Variants in TTC28 observed in about 807,000 individuals in gnomAD.
TTC28 encodes the protein tetratricopeptide repeat protein 28.
A neutral mutation model predicts 198.0 loss-of-function variants in TTC28; 61 were observed. The ratio of observed to expected loss-of-function variants is 0.31; its 90% CI spans 0.25 to 0.38. The LOEUF is 0.38. Ranked by LOEUF, TTC28 falls within the 10% of genes least tolerant of loss-of-function variation. The pLI, the probability that TTC28 is intolerant of heterozygous loss-of-function variation, is 1.00. For missense variants in TTC28, 2,678 were observed against 3,164.0 expected, an observed-to-expected ratio of 0.85 and a Z score of 3.69; for synonymous variants, 1,171 against 1,297.8, an observed-to-expected ratio of 0.90 and a Z score of 2.10.
chr22:28,393,044 T>C (rs2046759233), intron 2 of TTC28, among the ~76,000 whole-genome samples: 1 of 152,078 alleles, frequency 6.6e-6, no homozygotes, highest in East Asian at 1.9e-4. Flanking sequence ...ACCCAGTTAA[T>C]TGTTTTATAT....
chr22:28,014,052 C>A (rs1167927233), intron 14 of TTC28, among the ~76,000 whole-genome samples, 196 bp downstream of exon 14: 1 of 152,198 alleles, frequency 6.6e-6, no homozygotes, highest in Non-Finnish European at 1.5e-5. Context: ...CCACTACCAA[C>A]CAACCAACCA....
At chr22:28,307,489 T>C (rs1292989729) in intron 2 of TTC28, among the ~76,000 whole-genome samples, 1 of 152,138 alleles carries the variant, frequency 6.6e-6, no homozygotes, top group Admixed American at 6.6e-5. Context: ...CCTAGCTCAC[T>C]GCAGCCTTGA....
At chr22:28,549,115 C>T (rs905938304) in intron 2 of TTC28, among the ~76,000 whole-genome samples, 3 of 152,072 alleles carry the variant, frequency 2.0e-5, no homozygotes, top group Non-Finnish European at 4.4e-5. Flanking sequence ...GCAGCCTCTG[C>T]CTCCTGGGTT....
At chr22:28,276,549 A>G (rs1932444585) in intron 5 of TTC28, among the ~76,000 whole-genome samples, 1 of 152,182 alleles carries the variant, frequency 6.6e-6, no homozygotes. Flanking sequence ...CTAATGTTCT[A>G]ATTAATAGAA....
chr22:28,520,881 C>T (rs1259968057), intron 2 of TTC28, among the ~76,000 whole-genome samples: 2 of 151,636 alleles, frequency 1.3e-5, no homozygotes, highest in Non-Finnish European at 2.9e-5. Flanking sequence ...GGTAAAACCC[C>T]GTCTCTACTA....
At chr22:28,426,145 G>A (rs551107790) in intron 2 of TTC28, among the ~76,000 whole-genome samples, 46 of 149,218 alleles carry the variant, frequency 3.1e-4, no homozygotes, top group African/African-American at 9.9e-4. Context: ...CCAGGAGGCC[G>A]AAGTTGCAGT....
intron 2 of TTC28, among the ~76,000 whole-genome samples, chr22:28,590,455 T>C (rs2050407935): frequency 6.6e-6 from 1 of 152,082 alleles, no homozygotes; most frequent in Non-Finnish European, 1.5e-5. Flanking sequence ...TACAGGAGGC[T>C]TCAGTAATAC....
At chr22:28,526,037 A>C in intron 2 of TTC28, among the ~76,000 whole-genome samples, 1 of 152,228 alleles carries the variant, frequency 6.6e-6, no homozygotes, top group East Asian at 1.9e-4. Context: ...AATTATAGTA[A>C]TGCTATCAAC....
At chr22:28,035,176 C>A (rs1222918632) in intron 12 of TTC28, among the ~76,000 whole-genome samples, 1 of 152,182 alleles carries the variant, frequency 6.6e-6, no homozygotes, top group Non-Finnish European at 1.5e-5. Context: ...CTCACTGTGT[C>A]TCCATTCCCC....
chr22:28,362,637 T>TA (rs1397874423), intron 2 of TTC28, among the ~76,000 whole-genome samples: 34 of 152,160 alleles, frequency 2.2e-4, no homozygotes, highest in Admixed American at 2.2e-3. Flanking sequence ...ACTTGTTGAA[T>TA]AGCTTTGACC....
intron 1 of TTC28, among the ~76,000 whole-genome samples, chr22:28,650,970 T>A (rs1222847802): frequency 6.6e-6 from 1 of 152,220 alleles, no homozygotes; most frequent in East Asian, 1.9e-4. Context: ...TTTTTGGAAA[T>A]ACAGTTTTAC....
At chr22:28,145,618 A>G (rs1406369714) in intron 6 of TTC28, among the ~76,000 whole-genome samples, 1 of 152,228 alleles carries the variant, frequency 6.6e-6, no homozygotes, top group Non-Finnish European at 1.5e-5. Flanking sequence ...GCAAGAGATG[A>G]AGACATCAAA....
chr22:28,292,260 C>A (rs893916242), intron 5 of TTC28, among the ~76,000 whole-genome samples: 1 of 152,068 alleles, frequency 6.6e-6, no homozygotes, highest in African/African-American at 2.4e-5. Context: ...TGAACTTGGC[C>A]CACTGCAACC....
At chr22:28,037,561 A>C (rs1939415969) in intron 12 of TTC28, among the ~76,000 whole-genome samples, 1 of 152,204 alleles carries the variant, frequency 6.6e-6, no homozygotes, top group African/African-American at 2.4e-5. Flanking sequence ...AGCCAATATC[A>C]TACTGAATGG....
intron 6 of TTC28, among the ~76,000 whole-genome samples, chr22:28,141,882 G>A (rs135639): frequency 6.6e-6 from 1 of 151,884 alleles, no homozygotes; most frequent in South Asian, 2.1e-4. Flanking sequence ...ATCAACACAG[G>A]CACAAGGGAT....
At chr22:28,051,667 T>C (rs1364350039) in intron 12 of TTC28, among the ~76,000 whole-genome samples, 1 of 152,196 alleles carries the variant, frequency 6.6e-6, no homozygotes, top group Non-Finnish European at 1.5e-5. Flanking sequence ...TGAAAAGCTG[T>C]TGTCACGTCA....
chr22:28,163,815 C>T (rs767460714), intron 5 of TTC28, among the ~76,000 whole-genome samples: 5 of 152,148 alleles, frequency 3.3e-5, no homozygotes, highest in African/African-American at 7.2e-5. Flanking sequence ...GTGGGTGCAG[C>T]GCACCGTGCA....
At chr22:28,253,534 A>C (rs1930674126) in intron 5 of TTC28, among the ~76,000 whole-genome samples, 1 of 152,178 alleles carries the variant, frequency 6.6e-6, no homozygotes, top group African/African-American at 2.4e-5. Context: ...CTTAGTCACA[A>C]CTGTAACCTC....
intron 5 of TTC28, among the ~76,000 whole-genome samples, chr22:28,236,135 C>T (rs1050237573): frequency 6.6e-6 from 1 of 152,220 alleles, no homozygotes; most frequent in Admixed American, 6.5e-5. Context: ...CCTCCACACA[C>T]CACCTTCACA....
Sources: gnomAD v4.1 joint callset for allele counts (sites outside exome capture counted in the v4.1 genomes callset) on GRCh38, gnomAD v4.1.1 for gene constraint, MANE v1.5 for transcripts, NCBI Gene and HGNC (gene_info 2026-07-23, HGNC 2026-07-21) for gene names.